Variants in NUP85 observed in about 807,000 individuals in gnomAD.
NUP85 encodes nuclear pore complex protein Nup85.
A neutral mutation model predicts 92.8 loss-of-function variants in NUP85; 23 were observed. That is an observed-to-expected ratio of 0.25 (90% CI 0.18 to 0.35). NUP85 has a LOEUF of 0.35. Among genes scored for constraint, NUP85 ranks in the 10% least tolerant of loss-of-function variants. NUP85 has a pLI of 1.00. For synonymous variants in NUP85, 314 were observed against 306.9 expected, an observed-to-expected ratio of 1.02 and a Z score of -0.24; for missense variants, 759 against 822.8, an observed-to-expected ratio of 0.92 and a Z score of 0.95.
chr17:75,229,736 G>A (rs2075970386), intron 11 of NUP85, among the ~76,000 whole-genome samples: 1 of 152,192 alleles, frequency 6.6e-6, no homozygotes, highest in South Asian at 2.1e-4. Context: ...AGTGCTTGCT[G>A]CCTTCCAGCC....
At chr17:75,235,481 G>T (rs1219680340) in intron 18 of NUP85, 97 bp from the exon 19 acceptor site, 1 of 809,164 alleles carries the variant, frequency 1.2e-6, no homozygotes, top group Non-Finnish European at 2.0e-6. Context: ...TACTATGAAT[G>T]TTAAGTGCCC....
chr17:75,235,056 G>A (rs2076278613), intron 17 of NUP85, 44 bp from the exon 18 acceptor site: 3 of 1,519,088 alleles, frequency 2.0e-6, no homozygotes, highest in African/African-American at 2.7e-5. Context: ...ACCAATGCAG[G>A]CCAGGGCTGG....
Position 75,231,542 on chromosome 17 carries a change from A to T in NUP85, c.1179-31A>T, listed in dbSNP as rs1267456603. The T allele has an allele frequency of 6.2e-7, 1 of 1,613,592 alleles. No homozygotes were observed. Among genetic ancestry groups the T allele is most frequent in the South Asian group, 1.1e-5 (1 of 91,070 alleles). ...GGGGCCCTGAACAGGGCAGGCCAGG[A>T]GTCTTGGTCTTTTGTTATGTTTTAT... On this transcript the variant is annotated intron_variant, in intron 12 of 18. Coordinates refer to ENST00000245544, the MANE Select transcript of NUP85 (RefSeq NM_024844.5). The surrounding 1 kb of genome is among the most constrained non-coding windows in gnomAD (Gnocchi z 4.6).
chr17:75,207,136 C>G (rs1266198252), intron 1 of NUP85, among the ~76,000 whole-genome samples: 1 of 151,836 alleles, frequency 6.6e-6, no homozygotes, highest in South Asian at 2.1e-4. Flanking sequence ...CAAGGAATTT[C>G]CTTGTGAGCA....
In NUP85 at chr17:75,234,736, C is replaced by G. The variant is rs1461597042; in HGVS notation, c.1715C>G (p.Ser572Cys). The G allele has an allele frequency of 3.7e-6, 6 of 1,614,090 alleles. No homozygotes were observed. Among genetic ancestry groups the G allele is most frequent in the Non-Finnish European group, 4.2e-6 (5 of 1,180,032 alleles). The part of the protein sequence containing the change: ...SLMTSRIAPR[S>C]FWMTLLTDAL... ...ATGACGTCTCGGATTGCCCCTCGGTCTTTCTGGATGACTCTGCTGACAGAC... is the reference window on the plus strand; with the variant it reads ...ATGACGTCTCGGATTGCCCCTCGGTGTTTCTGGATGACTCTGCTGACAGAC... Residue 572 changes from serine to cysteine, a missense_variant, in exon 17 of 19, where the codon TCT becomes TGT. Physicochemically the swap from Ser to Cys is moderately radical, Grantham distance 112 (BLOSUM62 -1). Coordinates refer to ENST00000245544, the MANE Select transcript of NUP85 (RefSeq NM_024844.5).
chr17:75,232,575 A>G (rs981206539), intron 14 of NUP85, among the ~76,000 whole-genome samples: 1 of 152,172 alleles, frequency 6.6e-6, no homozygotes, highest in African/African-American at 2.4e-5. Flanking sequence ...GAAAAAAAAT[A>G]GAAGAGCTGA....
intron 14 of NUP85, chr17:75,232,189 C>G (rs1413598322): frequency 6.8e-6 from 4 of 585,736 alleles, no homozygotes; most frequent in Admixed American, 6.1e-5. Flanking sequence ...CAGACAAAAT[C>G]TACACGCCAT....
intron 16 of NUP85, among the ~76,000 whole-genome samples, 185 bp downstream of exon 16, chr17:75,233,343 A>ATGTT (rs201486765): frequency 0.024 from 3,542 of 147,970 alleles, 130 homozygotes; most frequent in African/African-American, 0.083. Context: ...TAGTGCCTCC[A>ATGTT]TGTTTGTTTG....
chr17:75,209,489 G>T (rs1335090683), intron 2 of NUP85, among the ~76,000 whole-genome samples: 1 of 144,904 alleles, frequency 6.9e-6, no homozygotes, highest in Non-Finnish European at 1.5e-5. Flanking sequence ...CTCTGTCCAG[G>T]CTGGAATGCA....
intron 6 of NUP85, among the ~76,000 whole-genome samples, chr17:75,216,103 A>G (rs1258239581): frequency 1.3e-5 from 2 of 152,246 alleles, no homozygotes; most frequent in East Asian, 3.9e-4. Context: ...TGTTAACATC[A>G]TGGACTGGCC....
intron 11 of NUP85, among the ~76,000 whole-genome samples, chr17:75,227,129 T>TG (rs2075829368): frequency 6.6e-6 from 1 of 151,926 alleles, no homozygotes; most frequent in African/African-American, 2.4e-5. Context: ...AGGGAGGAAG[T>TG]GGGTAATGGC....
chr17:75,215,176 GATAA>G (rs756753081), intron 5 of NUP85, among the ~76,000 whole-genome samples: 10 of 152,118 alleles, frequency 6.6e-5, no homozygotes, highest in African/African-American at 1.4e-4. Flanking sequence ...CATCTCAAAA[GATAA>G]ATAAATAATA....
At chr17:75,211,872 C>A in intron 3 of NUP85, 120 bp from the exon 4 acceptor site, 1 of 742,972 alleles carries the variant, frequency 1.3e-6, no homozygotes, top group Non-Finnish European at 2.3e-6. Flanking sequence ...GTTAGGAGCT[C>A]CTTCACAACG....
intron 2 of NUP85, 24 bp from the exon 3 acceptor site, chr17:75,209,799 T>A: frequency 2.0e-6 from 3 of 1,500,328 alleles, no homozygotes; most frequent in Non-Finnish European, 2.7e-6. Flanking sequence ...AGATGTTAAA[T>A]TTTTTTTTTC....
intron 2 of NUP85, among the ~76,000 whole-genome samples, chr17:75,209,445 C>CTTTT: frequency 9.4e-6 from 1 of 106,438 alleles, no homozygotes; most frequent in African/African-American, 3.2e-5. Flanking sequence ...GATTTGCTTT[C>CTTTT]TTTTTTTTTT....
At chr17:75,215,619 TCCTC>T in intron 5 of NUP85, 131 bp from the exon 6 acceptor site, 1 of 726,136 alleles carries the variant, frequency 1.4e-6, no homozygotes, top group South Asian at 1.8e-5. Context: ...CTGTGGGAAA[TCCTC>T]CAGTAGGATT....
chr17:75,217,494 G>A (rs2075467339), intron 6 of NUP85, among the ~76,000 whole-genome samples: 1 of 151,666 alleles, frequency 6.6e-6, no homozygotes, highest in Admixed American at 6.6e-5. Flanking sequence ...GAACTACCAT[G>A]CCCGGCCATA....
At chr17:75,234,878 C>T (rs2076267553) in intron 17 of NUP85, 90 bp downstream of exon 17, 1 of 1,494,986 alleles carries the variant, frequency 6.7e-7, no homozygotes, top group African/African-American at 1.4e-5. Flanking sequence ...GTGTTTCCTC[C>T]TTTGTCGTTC....
intron 11 of NUP85, among the ~76,000 whole-genome samples, chr17:75,229,356 G>A (rs1480019063): frequency 6.6e-6 from 1 of 152,154 alleles, no homozygotes; most frequent in Non-Finnish European, 1.5e-5. Context: ...GGAGTTGACA[G>A]TGACCTTAGT....
Sources: gnomAD v4.1 joint callset for allele counts (sites outside exome capture counted in the v4.1 genomes callset) on GRCh38, gnomAD v4.1.1 for gene constraint, Gnocchi (gnomAD v3.1) non-coding constraint, MANE v1.5 for transcripts, NCBI Gene and HGNC (gene_info 2026-07-23, HGNC 2026-07-21) for gene names.